The following RASL12 variants were observed in gnomAD, a reference collection of about 807,000 sequenced individuals.
RASL12 encodes the protein RAS like family 12.
Under a neutral mutation model 22.9 loss-of-function variants are expected in RASL12, and 16 were observed. The ratio of observed to expected loss-of-function variants is 0.70; its 90% CI spans 0.47 to 1.06. The LOEUF is 1.06. Among genes scored for constraint, RASL12 ranks in the 50% least tolerant of loss-of-function variants. RASL12 has a pLI of 0.00. For synonymous variants in RASL12, 159 were observed against 152.2 expected, an observed-to-expected ratio of 1.04 and a Z score of -0.33; for missense variants, 306 against 353.1, an observed-to-expected ratio of 0.87 and a Z score of 1.07.
rs568855446 is a variant in RASL12 at position 65,053,535 on chromosome 15, C to G, written c.*1364G>C. On this transcript the variant is annotated 3_prime_UTR_variant, in exon 5 of 5. Coordinates refer to ENST00000220062, the MANE Select transcript of RASL12 (RefSeq NM_016563.4). ...CATGTGGTCTTGAGTAGTTCACAGC[C>G]CCCCTCTGACCTCAGCTCCTCCATT... 9.8e-7 allele frequency: 1 copy of G among 1,025,304 alleles called. No homozygotes were observed. Among genetic ancestry groups the G allele is most frequent in the Admixed American group, 5.3e-5 (1 of 18,980 alleles). The allele number at this position is 1,025,304 out of a possible 1,614,324, so 63.5% of individuals were successfully genotyped here.
chr15:65,069,970 C>T (rs1051203051), upstream of RASL12, among the ~76,000 whole-genome samples: 1 of 152,180 alleles, frequency 6.6e-6, no homozygotes, highest in African/African-American at 2.4e-5. Context: ...TCCTTTTCTC[C>T]ATCCCCAGTT....
At chr15:65,068,034 G>A, upstream of RASL12, 1 of 1,119,884 alleles carries the variant, frequency 8.9e-7, no homozygotes, top group Non-Finnish European at 1.1e-6. This position sits in a 1 kb window ranked among gnomAD's most constrained non-coding sequence, Gnocchi z 4.2. Context: ...CTGGCGGGCG[G>A]GGCCACCCCA....
intron 2 of RASL12, among the ~76,000 whole-genome samples, chr15:65,063,912 G>GGGTTT (rs2086844398): frequency 6.6e-6 from 1 of 152,166 alleles, no homozygotes; most frequent in African/African-American, 2.4e-5. Context: ...GGAGCGCAGG[G>GGGTTT]GGTTTCCACT....
At chr15:65,046,099 G>A in the RASL12 span, among the ~76,000 whole-genome samples, 693 of 150,430 alleles carry the variant, frequency 4.6e-3, 6 homozygotes, top group African/African-American at 0.016. Flanking sequence ...CAGGAGTTCC[G>A]AGACCAGCCT....
downstream of RASL12, among the ~76,000 whole-genome samples, chr15:65,051,184 G>A (rs1179507537): frequency 6.6e-6 from 1 of 152,078 alleles, no homozygotes; most frequent in African/African-American, 2.4e-5. Flanking sequence ...AGCCCAGGCT[G>A]GCAAAACTGA....
In RASL12 at chr15:65,055,172, G is replaced by A; in HGVS notation, c.528C>T (p.Phe176=). The A allele has an allele frequency of 5.0e-6, 8 of 1,612,596 alleles. No individual in the cohort carries two copies. Among genetic ancestry groups the A allele is most frequent in the East Asian group, 2.2e-5 (1 of 44,874 alleles). Reference sequence around the variant, plus strand: ...GCCGTGCCTCTCGCACTGCCTCGTGGAAGACATGCTGCACGTGCTCAAAGT... The same window carrying A: ...GCCGTGCCTCTCGCACTGCCTCGTGAAAGACATGCTGCACGTGCTCAAAGT... ...CLDFEHVQHV[F]HEAVREARRE... is the part of the protein sequence containing the mutation. Residue 176 remains phenylalanine (F), a synonymous_variant, in exon 5 of 5, where the codon TTC becomes TTT. Transcript: ENST00000220062.
chr15:65,066,950 T>C (rs2086885308), intron 1 of RASL12, among the ~76,000 whole-genome samples: 2 of 152,186 alleles, frequency 1.3e-5, no homozygotes, highest in Admixed American at 1.3e-4. Context: ...TAGTTCAGTG[T>C]TGACACAAAT....
intron 1 of RASL12, 59 bp downstream of exon 1, chr15:65,067,674 G>A (rs1253275787): frequency 1.2e-5 from 18 of 1,489,768 alleles, no homozygotes; most frequent in African/African-American, 2.9e-5. Context: ...ACAGCCCACT[G>A]TCCCCCCACC....
intron 2 of RASL12, among the ~76,000 whole-genome samples, chr15:65,062,173 C>T (rs2086816982): frequency 6.6e-6 from 1 of 152,132 alleles, no homozygotes; most frequent in Admixed American, 6.5e-5. Context: ...GAGGCACCCT[C>T]AGCCCTTCTG....
At position 65,054,735 on chromosome 15, in the gene RASL12, C is replaced by T. The variant is rs943594196; in HGVS notation, c.*164G>A. ...GGAGGGAACAGAAGCAGCATCCCTG[C>T]CTGCCACTCCAGCTCACACAGTGAA... is the stretch of plus-strand genomic sequence containing the variant. On this transcript the variant is annotated 3_prime_UTR_variant, in exon 5 of 5. Coordinates refer to ENST00000220062, the MANE Select transcript of RASL12 (RefSeq NM_016563.4). The T allele has an allele frequency of 9.0e-6, 13 of 1,442,888 alleles. No homozygotes were observed. The highest frequency in any genetic ancestry group is 1.4e-5 in the African/African-American group (1 of 70,200). The allele number at this position is 1,442,888 out of a possible 1,614,324, so 89.4% of individuals were successfully genotyped here.
the RASL12 span, among the ~76,000 whole-genome samples, chr15:65,047,776 A>T: frequency 6.9e-6 from 1 of 144,680 alleles, no homozygotes; most frequent in Non-Finnish European, 1.5e-5. Flanking sequence ...ATAGATAGAT[A>T]GACAGATAGA....
rs1471932284 is a variant in RASL12 at position 65,054,741 on chromosome 15, A to G, written c.*158T>C. 4.7e-5 allele frequency: 68 copies of G among 1,449,068 alleles called. 1 individual carries two copies. Among genetic ancestry groups the G allele is most frequent in the Non-Finnish European group, 4.1e-5 (45 of 1,106,436 alleles). 89.8% of individuals were successfully genotyped at this position (1,449,068 alleles called of 1,614,324 possible). The stretch of plus-strand genomic sequence containing the variant: ...AACAGAAGCAGCATCCCTGCCTGCC[A>G]CTCCAGCTCACACAGTGAATTGAGT... On this transcript the variant is annotated 3_prime_UTR_variant, in exon 5 of 5. Transcript: ENST00000220062.
At chr15:65,076,133 G>A (rs2086967001) in intron 1 of RASL12, among the ~76,000 whole-genome samples, 1 of 152,198 alleles carries the variant, frequency 6.6e-6, no homozygotes, top group Admixed American at 6.5e-5. Context: ...GATGTGAGTG[G>A]GGCCAGATAA....
In RASL12 at chr15:65,055,032, G is replaced by C; in HGVS notation, c.668C>G (p.Thr223Arg). ...RHGLASCTFN[T>R]LSTINLKEMP... ...CTCCTTCAGGTTGATGGTGGAGAGC[G>C]TGTTGAAGGTGCAGCTGGCCAGCCC... Residue 223 changes from threonine (T) to arginine (R), a missense_variant, in exon 5 of 5, where the codon ACG (threonine) becomes AGG (arginine). Thr to Arg is a moderately conservative substitution (Grantham distance 71, BLOSUM62 -1). Coordinates refer to ENST00000220062, the MANE Select transcript of RASL12 (RefSeq NM_016563.4). The C allele has an allele frequency of 6.2e-7, 1 of 1,613,808 alleles. No homozygotes were observed. Among genetic ancestry groups the C allele is most frequent in the Non-Finnish European group, 8.5e-7 (1 of 1,179,870 alleles).
chr15:65,048,230 T>C, the RASL12 span, among the ~76,000 whole-genome samples: 1 of 152,062 alleles, frequency 6.6e-6, no homozygotes, highest in Non-Finnish European at 1.5e-5. Context: ...TCTTTTTTTC[T>C]CCCTGACTTC....
chr15:65,068,112 C>T, upstream of RASL12: 1 of 1,037,450 alleles, frequency 9.6e-7, no homozygotes, highest in Non-Finnish European at 1.2e-6. The surrounding 1 kb of genome is among the most constrained non-coding windows in gnomAD (Gnocchi z 4.2). Context: ...GCTCCTGGAG[C>T]AGGGAGGGAG....
Position 65,053,605 on chromosome 15 carries a change from C to T in RASL12, c.*1294G>A, listed in dbSNP as rs2086687602. 1.0e-6 allele frequency: 1 copy of T among 996,764 alleles called. No individual in the cohort carries two copies. Among genetic ancestry groups the T allele is most frequent in the African/African-American group, 1.7e-5 (1 of 57,312 alleles). The allele number at this position is 996,764 out of a possible 1,614,324, so 61.7% of individuals were successfully genotyped here. The stretch of plus-strand genomic sequence containing the variant: ...CTGGGTCAGAGATGCTGTTTGCAAT[C>T]CAACAGTAGTCCTGAGACGGCTGAG... On this transcript the variant is annotated 3_prime_UTR_variant, in exon 5 of 5. Transcript: ENST00000220062.
At chr15:65,058,402 T>C in intron 4 of RASL12, 25 bp downstream of exon 4, 1 of 1,419,236 alleles carries the variant, frequency 7.0e-7, no homozygotes, top group South Asian at 1.7e-5. Flanking sequence ...GCTCTGGAGA[T>C]AACGGCCAAG....
intron 4 of RASL12, 97 bp from the exon 5 acceptor site, chr15:65,055,371 T>A: frequency 8.8e-7 from 1 of 1,130,118 alleles, no homozygotes; most frequent in Admixed American, 2.8e-5. Context: ...ACTAGCTGGG[T>A]GGCCTGGGGT....
Sources: gnomAD v4.1 joint callset for allele counts (sites outside exome capture counted in the v4.1 genomes callset) on GRCh38, gnomAD v4.1.1 for gene constraint, Gnocchi (gnomAD v3.1) non-coding constraint, MANE v1.5 for transcripts, NCBI Gene and HGNC (gene_info 2026-07-23, HGNC 2026-07-21) for gene names.